TNRC6C: variants seen among roughly 807,000 people sequenced by gnomAD.
The protein encoded by TNRC6C is trinucleotide repeat-containing gene 6C protein.
In TNRC6C, 20 loss-of-function variants were observed where a neutral mutation model predicts 153.7. The observed-to-expected ratio is 0.13, with a 90% CI of 0.09 to 0.19. The LOEUF (loss-of-function observed/expected upper bound fraction) is 0.19. Ranked by LOEUF, TNRC6C falls within the 10% of genes least tolerant of loss-of-function variation. The pLI is 1.00. For missense variants in TNRC6C, 1,987 were observed against 2,172.0 expected, an observed-to-expected ratio of 0.91 and a Z score of 1.69; for synonymous variants, 811 against 841.4, an observed-to-expected ratio of 0.96 and a Z score of 0.63.
chr17:78,105,664 G>A (rs2073681327), exon 20 of TNRC6C: 1 of 152,238 alleles, frequency 6.6e-6, no homozygotes, highest in South Asian at 2.1e-4. Context: ...TGTGGCGCGT[G>A]CTCCTGCACG....
intron 18 of TNRC6C, among the ~76,000 whole-genome samples, 200 bp from the exon 22 acceptor site, chr17:78,103,213 TG>T (rs2073628721): frequency 6.6e-6 from 1 of 152,236 alleles, no homozygotes. Flanking sequence ...AAAATGTAAC[TG>T]AAGCATCCAA....
intron 2 of TNRC6C, among the ~76,000 whole-genome samples, chr17:78,035,696 T>C (rs1022252247): frequency 6.6e-6 from 1 of 152,230 alleles, no homozygotes; most frequent in African/African-American, 2.4e-5. Context: ...TAAAGCTTTC[T>C]CATCACTCTG....
intron 1 of TNRC6C, among the ~76,000 whole-genome samples, chr17:77,970,441 G>T (rs2070931424): frequency 6.6e-6 from 1 of 152,122 alleles, no homozygotes. Context: ...TAAAGACAGG[G>T]TCTTCCTATG....
chr17:78,077,844 C>T (rs1174451950), intron 9 of TNRC6C: 1 of 164,384 alleles, frequency 6.1e-6, no homozygotes, highest in Non-Finnish European at 1.3e-5. Flanking sequence ...AGGTGGAAAT[C>T]ATCTTTCTAA....
intron 11 of TNRC6C, among the ~76,000 whole-genome samples, chr17:78,084,340 G>C (rs928106340): frequency 7.6e-6 from 1 of 132,420 alleles, no homozygotes; most frequent in Non-Finnish European, 1.7e-5. Flanking sequence ...AAAAAAAAAA[G>C]AATGGGAACT....
At chr17:78,045,813 T>C (rs1226828514) in intron 2 of TNRC6C, among the ~76,000 whole-genome samples, 2 of 151,986 alleles carry the variant, frequency 1.3e-5, no homozygotes, top group Non-Finnish European at 2.9e-5. Flanking sequence ...AATTAAAAAT[T>C]TTGAAAATAT....
At chr17:77,965,715 A>C (rs2070891698) in intron 1 of TNRC6C, among the ~76,000 whole-genome samples, 1 of 152,250 alleles carries the variant, frequency 6.6e-6, no homozygotes, top group African/African-American at 2.4e-5. Context: ...ATACATGTGA[A>C]GAACGCCACA....
rs2144349513 is a variant in TNRC6C, at chr17:78,075,946, G to A, written c.3060+668G>A. On this transcript the variant is annotated intron_variant, in intron 8 of 19. Coordinates refer to ENST00000301624, the Ensembl canonical transcript of TNRC6C. This position sits in a 1 kb window ranked among gnomAD's most constrained non-coding sequence, Gnocchi z 4.2. ...CAACAATGGAAGGAGGCTGGGTGCG[G>A]TGGCTCACTCCTGTAATCCCAGCAC... 6.6e-6 allele frequency among the ~76,000 whole-genome samples: 1 copy of A among 152,250 alleles called. No homozygotes were observed. Among genetic ancestry groups the A allele is most frequent in the African/African-American group, 2.4e-5 (1 of 41,578 alleles).
At chr17:78,001,300 A>C (rs916253469), upstream of TNRC6C, among the ~76,000 whole-genome samples, 1 of 152,342 alleles carries the variant, frequency 6.6e-6, no homozygotes, top group East Asian at 1.9e-4. Flanking sequence ...TGGCCCTTCA[A>C]ACTTGCTCTG....
rs1186171562 is a variant in TNRC6C, at chr17:78,104,752, C to A, written c.4980C>A (p.Gly1660=). 1.3e-6 allele frequency: 2 copies of A among 1,501,564 alleles called. No homozygotes were observed. Among genetic ancestry groups the A allele is most frequent in the South Asian group, 1.3e-5 (1 of 79,458 alleles). 93.0% of individuals were successfully genotyped at this position (1,501,564 alleles called of 1,614,324 possible). ...CCCAGTACTCCAGCAGCCTGTGGGG[C>A]CCGCCCAGCGCCGACGACAGCAGGG... Residue 1660 remains glycine, a synonymous_variant, in exon 20 of 20, where the codon GGC becomes GGA. Transcript: ENST00000301624. The surrounding 1 kb of genome is among the most constrained non-coding windows in gnomAD (Gnocchi z 6.2).
chr17:78,051,150 G>A (rs767241960), exon 3 of TNRC6C: 47 of 1,575,654 alleles, frequency 3.0e-5, no homozygotes, highest in African/African-American at 4.0e-5. Context: ...TCGGGGGGCC[G>A]GTACCGGTCA....
intron 2 of TNRC6C, among the ~76,000 whole-genome samples, chr17:78,036,493 AAAC>A (rs1352759332): frequency 1.2e-4 from 19 of 152,302 alleles, no homozygotes; most frequent in African/African-American, 4.3e-4. Context: ...AGATAAAATT[AAAC>A]AATAGAGGAG....
intron 13 of TNRC6C, among the ~76,000 whole-genome samples, chr17:78,088,601 A>G (rs1221555655): frequency 6.6e-6 from 1 of 151,760 alleles, no homozygotes; most frequent in Non-Finnish European, 1.5e-5. Flanking sequence ...CTAATATGTA[A>G]AGTTCTCTTT....
At chr17:78,067,090 C>G in intron 4 of TNRC6C, 1 of 152,180 alleles carries the variant, frequency 6.6e-6, no homozygotes, top group Non-Finnish European at 1.5e-5. Context: ...TGACTGTAAT[C>G]CCAACACTTT....
chr17:78,001,691 A>G (rs768881604), upstream of TNRC6C, among the ~76,000 whole-genome samples: 35 of 152,332 alleles, frequency 2.3e-4, no homozygotes, highest in African/African-American at 5.5e-4. Flanking sequence ...AAATCTTTGT[A>G]AAAATGTTTA....
At chr17:78,051,299 A>T in exon 3 of TNRC6C, 3 of 1,551,980 alleles carry the variant, frequency 1.9e-6, no homozygotes, top group Non-Finnish European at 2.6e-6. Flanking sequence ...AACATGTGGG[A>T]TAGAAACAAC....
intron 2 of TNRC6C, among the ~76,000 whole-genome samples, chr17:78,041,880 G>A (rs745954785): frequency 1.9e-4 from 29 of 152,284 alleles, no homozygotes; most frequent in Non-Finnish European, 3.4e-4. Context: ...GATAAAGAAT[G>A]AACACATTTA....
At chr17:77,958,423 C>G (rs1287671089), upstream of TNRC6C, among the ~76,000 whole-genome samples, 1 of 151,978 alleles carries the variant, frequency 6.6e-6, no homozygotes, top group African/African-American at 2.4e-5. Context: ...GCTCGCACCC[C>G]GGCGCGCTCC....
At chr17:78,051,734 T>C (rs1399314797) in intron 3 of TNRC6C, among the ~76,000 whole-genome samples, 1 of 152,026 alleles carries the variant, frequency 6.6e-6, no homozygotes, top group East Asian at 1.9e-4. Context: ...GTGGAGATGA[T>C]GGATTTGAAA....
Sources: allele counts gnomAD v4.1 joint callset (sites outside exome capture counted in the v4.1 genomes callset), GRCh38; gene constraint gnomAD v4.1.1; non-coding constraint Gnocchi (gnomAD v3.1); transcripts MANE v1.5; gene names NCBI Gene and HGNC (gene_info 2026-07-23, HGNC 2026-07-21).